The following WTAP variants were observed in gnomAD, a reference collection of about 807,000 sequenced individuals.
WTAP encodes WT1 associated protein, also known as pre-mRNA-splicing regulator WTAP.
Under a neutral mutation model 50.0 loss-of-function variants are expected in WTAP, and 8 were observed. The ratio of observed to expected loss-of-function variants is 0.16; its 90% CI spans 0.09 to 0.29. WTAP has a LOEUF of 0.29. WTAP is among the 10% of genes least tolerant of loss of function. WTAP has a pLI of 1.00. For missense variants in WTAP, 295 were observed against 470.7 expected (o/e 0.63, Z 3.45); for synonymous variants, 194 against 169.0 (o/e 1.15, Z -1.15).
At chr6:159,740,851 G>T (rs1343802318) in intron 3 of WTAP, among the ~76,000 whole-genome samples, 1 of 151,830 alleles carries the variant, frequency 6.6e-6, no homozygotes, top group South Asian at 2.1e-4. Context: ...ACGGGCATGC[G>T]CCACCATGCC....
chr6:159,748,949 T>C lies in WTAP; in HGVS notation c.452+580T>C. 9.1e-7 allele frequency: 1 copy of C among 1,101,220 alleles called. No individual in the cohort carries two copies. The highest frequency in any genetic ancestry group is 4.5e-5 in the South Asian group (1 of 22,348). 68.2% of individuals were successfully genotyped at this position (1,101,220 alleles called of 1,614,324 possible). A position where few individuals can be genotyped will look rare whatever the true frequency, so the allele number is the denominator to read the frequency against. Reference sequence around the variant, plus strand: ...ACTCAAATGAGGTGAATTTTGCCTTTAAAGGGTTTATTTGCTGAGAACCAA... The same window carrying C: ...ACTCAAATGAGGTGAATTTTGCCTTCAAAGGGTTTATTTGCTGAGAACCAA... On this transcript the variant is annotated intron_variant, in intron 6 of 7. Transcript: ENST00000621533. The surrounding 1 kb of genome is among the most constrained non-coding windows in gnomAD (Gnocchi z 5.6).
chr6:159,744,459 T>C (rs916940781), intron 5 of WTAP, among the ~76,000 whole-genome samples: 2 of 152,216 alleles, frequency 1.3e-5, no homozygotes, highest in Non-Finnish European at 2.9e-5. Flanking sequence ...AGTCTTCTTA[T>C]GTGTTATTAA....
chr6:159,747,571 G>A (rs111435840), intron 5 of WTAP, among the ~76,000 whole-genome samples: 9 of 152,246 alleles, frequency 5.9e-5, no homozygotes, highest in African/African-American at 1.2e-4. Flanking sequence ...TATAAGTACT[G>A]TATATTTTTT....
intron 1 of WTAP, among the ~76,000 whole-genome samples, chr6:159,732,886 A>AGTGT (rs67554039): frequency 0.055 from 8,023 of 146,374 alleles, 245 homozygotes; most frequent in East Asian, 0.072. Flanking sequence ...ATATATATAT[A>AGTGT]GTGTGTGTGT....
intron 1 of WTAP, among the ~76,000 whole-genome samples, chr6:159,729,445 T>C (rs965506158): frequency 1.3e-5 from 2 of 152,234 alleles, no homozygotes; most frequent in Non-Finnish European, 2.9e-5. Flanking sequence ...TAACAAGATG[T>C]TCCATCTGAC....
At chr6:159,739,759 C>T (rs2114911705) in intron 3 of WTAP, among the ~76,000 whole-genome samples, 1 of 148,652 alleles carries the variant, frequency 6.7e-6, no homozygotes, top group Non-Finnish European at 1.5e-5. Context: ...TTGTTGTTTC[C>T]TAGAGTGTGA....
intron 2 of WTAP, among the ~76,000 whole-genome samples, chr6:159,737,188 A>G (rs967941995): frequency 1.3e-5 from 2 of 152,094 alleles, no homozygotes; most frequent in African/African-American, 4.8e-5. Flanking sequence ...TCTGGGGGCT[A>G]CAAGTACGTG....
intron 1 of WTAP, among the ~76,000 whole-genome samples, chr6:159,728,639 A>T (rs1168789757): frequency 6.6e-6 from 1 of 152,238 alleles, no homozygotes; most frequent in African/African-American, 2.4e-5. Flanking sequence ...TGTTGTGGAC[A>T]TTTAAAACCG....
At chr6:159,733,191 A>G (rs1253352432) in intron 1 of WTAP, among the ~76,000 whole-genome samples, 1 of 152,146 alleles carries the variant, frequency 6.6e-6, no homozygotes, top group Non-Finnish European at 1.5e-5. Flanking sequence ...AATAATATAC[A>G]TTTTATATCA....
chr6:159,731,171 A>G (rs1423321735), intron 1 of WTAP, among the ~76,000 whole-genome samples: 3 of 151,496 alleles, frequency 2.0e-5, no homozygotes, highest in African/African-American at 7.3e-5. Flanking sequence ...AGAAATTTCA[A>G]TAATTGCAGG....
chr6:159,741,307 G>A (rs1779242220), intron 3 of WTAP, among the ~76,000 whole-genome samples: 1 of 152,188 alleles, frequency 6.6e-6, no homozygotes, highest in South Asian at 2.1e-4. Context: ...ACAGTTAGAT[G>A]TGATTGTTAA....
At chr6:159,733,403 G>A (rs1014025768) in intron 1 of WTAP, among the ~76,000 whole-genome samples, 33 of 152,238 alleles carry the variant, frequency 2.2e-4, no homozygotes, top group African/African-American at 5.5e-4. Context: ...GATTGCTTGC[G>A]CCCAGGAGTT....
At chr6:159,754,713 A>G (rs1779941147) in intron 7 of WTAP, among the ~76,000 whole-genome samples, 1 of 152,204 alleles carries the variant, frequency 6.6e-6, no homozygotes, top group Non-Finnish European at 1.5e-5. Context: ...GGGGATAATG[A>G]CAAGAAAAAA....
upstream of WTAP, chr6:159,727,095 C>G: frequency 8.4e-7 from 1 of 1,194,646 alleles, no homozygotes; most frequent in Non-Finnish European, 1.1e-6. Flanking sequence ...TCCGACCTCG[C>G]TGGCCCGCCC....
chr6:159,728,507 TTTATC>T (rs1242512610), intron 1 of WTAP, among the ~76,000 whole-genome samples: 6 of 152,252 alleles, frequency 3.9e-5, no homozygotes, highest in Admixed American at 3.3e-4. Context: ...TTGTGCCTAT[TTTATC>T]TAGTTTTAGT....
chr6:159,753,783 A>G (rs1475387059), intron 7 of WTAP, among the ~76,000 whole-genome samples, 169 bp downstream of exon 7: 1 of 152,164 alleles, frequency 6.6e-6, no homozygotes, highest in Non-Finnish European at 1.5e-5. Context: ...ACAAAGCCAT[A>G]TAATTTTAGT....
intron 1 of WTAP, 75 bp from the exon 2 acceptor site, chr6:159,736,183 G>A: frequency 1.5e-6 from 2 of 1,372,632 alleles, no homozygotes; most frequent in Non-Finnish European, 2.0e-6. Context: ...TGATTTGAAA[G>A]AGTCAGTATT....
At chr6:159,731,767 A>T (rs1310063252) in intron 1 of WTAP, among the ~76,000 whole-genome samples, 1 of 152,158 alleles carries the variant, frequency 6.6e-6, no homozygotes, top group East Asian at 1.9e-4. Context: ...TCTTTTTGAG[A>T]TGGGGAAACT....
chr6:159,733,482 T>TGTG (rs1433454717), intron 1 of WTAP, among the ~76,000 whole-genome samples: 9 of 151,824 alleles, frequency 5.9e-5, no homozygotes, highest in African/African-American at 2.2e-4. Context: ...ATTAACTGGG[T>TGTG]GTGGTGGCAC....
Sources: allele counts gnomAD v4.1 joint callset (sites outside exome capture counted in the v4.1 genomes callset), GRCh38; gene constraint gnomAD v4.1.1; non-coding constraint Gnocchi (gnomAD v3.1); transcripts MANE v1.5; gene names NCBI Gene and HGNC (gene_info 2026-07-23, HGNC 2026-07-21).